The following ATP5F1B variants were observed in gnomAD, a reference collection of about 807,000 sequenced individuals.
ATP5F1B encodes ATP synthase F(1) complex subunit beta, mitochondrial.
In ATP5F1B, 17 loss-of-function variants were observed where a neutral mutation model predicts 45.9. The ratio of observed to expected loss-of-function variants is 0.37; its 90% CI spans 0.25 to 0.56. The LOEUF (loss-of-function observed/expected upper bound fraction) is 0.56, where lower values mean the gene tolerates loss of function less well. Among genes scored for constraint, ATP5F1B ranks in the 20% least tolerant of loss-of-function variants. The pLI is 0.80. For missense variants in ATP5F1B, 387 were observed against 673.2 expected (o/e 0.57, Z 4.70); for synonymous variants, 218 against 256.5 (o/e 0.85, Z 1.43).
Position 56,643,828 on chromosome 12 carries a change from A to AT in ATP5F1B, c.607+8dup, listed in dbSNP as rs1201443600. Reference sequence around the variant, plus strand: ...AGGTTTGGAAAATATGTACCCCTTAATAACATACCAATTTTGCCACCCTTG... The same window carrying AT: ...AGGTTTGGAAAATATGTACCCCTTAATTAACATACCAATTTTGCCACCCTTG... On this transcript the variant is annotated intron_variant, in intron 4 of 9. Transcript: ENST00000262030. 2.2e-5 allele frequency: 35 copies of AT among 1,614,010 alleles called. No homozygotes were observed. Among genetic ancestry groups the AT allele is most frequent in the Non-Finnish European group, 2.5e-5 (30 of 1,180,014 alleles).
chr12:56,642,984 T>C, intron 5 of ATP5F1B, 153 bp from the exon 6 acceptor site: 1 of 767,368 alleles, frequency 1.3e-6, no homozygotes, highest in South Asian at 2.1e-5. Context: ...GAGATGCAGT[T>C]CAAAAAAAAA....
Position 56,638,288 on chromosome 12 carries a change from G to A in ATP5F1B, c.*35C>T. The A allele has an allele frequency of 6.4e-7, 1 of 1,566,956 alleles. No individual in the cohort carries two copies. The highest frequency in any genetic ancestry group is 8.8e-7 in the Non-Finnish European group (1 of 1,141,726). Reference sequence around the variant, plus strand: ...AAAAATGAAGCTTTTTGGGTTAGGGGCAAGGAGAGAGACAGTACAGAGGAC... The same window carrying A: ...AAAAATGAAGCTTTTTGGGTTAGGGACAAGGAGAGAGACAGTACAGAGGAC... On this transcript the variant is annotated 3_prime_UTR_variant, in exon 10 of 10. Coordinates refer to ENST00000262030, the MANE Select transcript of ATP5F1B (RefSeq NM_001686.4).
rs539655500 is a variant in ATP5F1B, at chr12:56,644,559, C to T, written c.485+222G>A. Among the ~76,000 whole-genome samples, 43 of 151,804 alleles carry T rather than the reference C, an allele frequency of 2.8e-4. No individual in the cohort carries two copies. The South Asian group carries it at 7.5e-3, about 26-fold the overall frequency. ...CCAGGAGGTGGAGGTTGCAGTGAGT[C>T]GAGAGCGAAACTCCCTCTCAAAAAA... is the stretch of plus-strand genomic sequence containing the variant. On this transcript the variant is annotated intron_variant, in intron 3 of 9. Coordinates refer to ENST00000262030, the MANE Select transcript of ATP5F1B (RefSeq NM_001686.4).
intron 8 of ATP5F1B, among the ~76,000 whole-genome samples, chr12:56,639,684 T>A (rs1253268046): frequency 6.6e-6 from 1 of 150,428 alleles, no homozygotes. Flanking sequence ...GGCAGGAGAA[T>A]CGCTTGAACC....
intron 7 of ATP5F1B, among the ~76,000 whole-genome samples, chr12:56,641,166 A>C (rs1951509280): frequency 6.6e-6 from 1 of 152,096 alleles, no homozygotes; most frequent in African/African-American, 2.4e-5. Context: ...GGAGTTCAAG[A>C]CCAGCCTGAC....
rs1343871938 is a variant in ATP5F1B at position 56,638,322 on chromosome 12, CTCACGATGAATGCTCT to C, written c.1575_1590del (p.Glu526GlyfsTer39). On this transcript the variant is annotated frameshift_variant and stop_lost, in exon 10 of 10. Transcript: ENST00000262030. LOFTEE classifies it high-confidence loss of function. ...GAGACAGTACAGAGGACAAAGACCC[CTCACGATGAATGCTCT>C]TCAGCCAGCTTATCAGCTTTTGCCA... 6.2e-7 allele frequency: 1 copy of C among 1,613,322 alleles called. No homozygotes were observed. The highest frequency in any genetic ancestry group is 8.5e-7 in the Non-Finnish European group (1 of 1,179,414).
At chr12:56,638,501 C>T (rs1592643285) in intron 9 of ATP5F1B, 78 bp from the exon 10 acceptor site, 2 of 1,033,538 alleles carry the variant, frequency 1.9e-6, no homozygotes. Flanking sequence ...ACATTCCTCA[C>T]CACTTCAGGC....
rs754432588 is a variant in ATP5F1B at position 56,638,439 on chromosome 12, GAAAA to G, written c.1490-20_1490-17del. On this transcript the variant is annotated splice_polypyrimidine_tract_variant and intron_variant, in intron 9 of 9. Transcript: ENST00000262030. ...TCATATTCACCTGTATGATGGGGGA[GAAAA>G]AAAAAAAGAGTAAGAAGCGGAGGGA... 20 of 1,203,926 alleles carry G rather than the reference GAAAA, an allele frequency of 1.7e-5. No homozygotes were observed. The African/African-American group carries it at 2.9e-4, about 17-fold the overall frequency. 74.6% of individuals were successfully genotyped at this position (1,203,926 alleles called of 1,614,324 possible). A position where few individuals can be genotyped will look rare whatever the true frequency, so the allele number is the denominator to read the frequency against.
chr12:56,642,985 CAA>C (rs568255847), intron 5 of ATP5F1B, 154 bp from the exon 6 acceptor site: 19 of 610,736 alleles, frequency 3.1e-5, no homozygotes, highest in South Asian at 1.5e-4. Flanking sequence ...AGATGCAGTT[CAA>C]AAAAAAAAGA....
intron 5 of ATP5F1B, 66 bp downstream of exon 5, chr12:56,643,337 T>C: frequency 7.3e-7 from 1 of 1,360,918 alleles, no homozygotes; most frequent in East Asian, 2.3e-5. Flanking sequence ...ATATAGAACA[T>C]GGCTTCAGTT....
intron 7 of ATP5F1B, 114 bp from the exon 8 acceptor site, chr12:56,640,306 G>A (rs966680296): frequency 4.8e-6 from 4 of 827,056 alleles, no homozygotes; most frequent in Non-Finnish European, 7.4e-6. Context: ...TCGGCTCACT[G>A]CAACCTCTGC....
chr12:56,644,796 G>A lies in ATP5F1B; in HGVS notation c.470C>T (p.Pro157Leu), dbSNP rs771848985. ...VIGEPIDERG[P>L]IKTKQFAPIH... ...AGCAACTTACTGTTTGGTTTTGATGGGACCTCTTTCATCAATAGGTTCTCC... is the reference window on the plus strand; with the variant it reads ...AGCAACTTACTGTTTGGTTTTGATGAGACCTCTTTCATCAATAGGTTCTCC... Residue 157 changes from proline (P) to leucine (L), a missense_variant, in exon 3 of 10, where the codon CCC becomes CTC. By Grantham distance (98) the Pro-to-Leu change is moderately conservative. Transcript: ENST00000262030. The A allele has an allele frequency of 6.2e-7, 1 of 1,613,108 alleles. No individual in the cohort carries two copies. Among genetic ancestry groups the A allele is most frequent in the Non-Finnish European group, 8.5e-7 (1 of 1,179,386 alleles).
intron 8 of ATP5F1B, chr12:56,639,550 G>C (rs1005977373): frequency 2.0e-6 from 1 of 505,522 alleles, no homozygotes; most frequent in South Asian, 2.1e-5. Flanking sequence ...ACGGTGGGTG[G>C]ATCATGAGGT....
At chr12:56,645,798 G>A in intron 1 of ATP5F1B, 39 bp downstream of exon 1, 2 of 1,597,548 alleles carry the variant, frequency 1.3e-6, no homozygotes, top group Non-Finnish European at 1.7e-6. Context: ...GTCATGGGGC[G>A]GCAAAATGGA....
In ATP5F1B at chr12:56,644,958, G is replaced by A. The variant is rs753852454; in HGVS notation, c.311-3C>T. On this transcript the variant is annotated splice_region_variant and splice_polypyrimidine_tract_variant and intron_variant, in intron 2 of 9. Coordinates refer to ENST00000262030, the MANE Select transcript of ATP5F1B (RefSeq NM_001686.4). The stretch of plus-strand genomic sequence containing the variant: ...AATAGTCCTTACTGTGCTCTCACCT[G>A]TTAGATACAGGCATCGCAGGGTTAT... 25 of 1,613,988 alleles carry A rather than the reference G, an allele frequency of 1.5e-5. No individual in the cohort carries two copies. Among genetic ancestry groups the A allele is most frequent in the Non-Finnish European group, 2.0e-5 (24 of 1,179,952 alleles).
At chr12:56,644,511 T>C (rs1224095170) in intron 3 of ATP5F1B, among the ~76,000 whole-genome samples, 2 of 151,900 alleles carry the variant, frequency 1.3e-5, no homozygotes, top group African/African-American at 4.8e-5. Flanking sequence ...CTCAGGAGGC[T>C]GAGACAGGAG....
Position 56,642,985 on chromosome 12 carries a change from C to CA in ATP5F1B, c.793-155dup, listed in dbSNP as rs568255847. 6.6e-3 allele frequency: 3,950 copies of CA among 598,708 alleles called. 1 individual carries two copies. The highest frequency in any genetic ancestry group is 0.014 in the African/African-American group (694 of 49,964). The allele number at this position is 598,708 out of a possible 1,614,324, so 37.1% of individuals were successfully genotyped here. On this transcript the variant is annotated intron_variant, in intron 5 of 9. Transcript: ENST00000262030. The stretch of plus-strand genomic sequence containing the variant: ...TCTTTTCCCTATTAGAGATGCAGTT[C>CA]AAAAAAAAAAGACAGCTTCTTATAT...
chr12:56,642,352 CTT>C, intron 7 of ATP5F1B, 104 bp downstream of exon 7: 1 of 1,503,204 alleles, frequency 6.7e-7, no homozygotes, highest in Admixed American at 1.9e-5. Context: ...AGGCTGATCT[CTT>C]GGGCTCAAGC....
At chr12:56,639,022 T>C in intron 9 of ATP5F1B, 84 bp downstream of exon 9, 1 of 1,251,496 alleles carries the variant, frequency 8.0e-7, no homozygotes, top group Non-Finnish European at 1.1e-6. Flanking sequence ...TAATTAAGCA[T>C]AGTATATTAC....
Sources: gnomAD v4.1 joint callset for allele counts (sites outside exome capture counted in the v4.1 genomes callset) on GRCh38, gnomAD v4.1.1 for gene constraint, MANE v1.5 for transcripts, NCBI Gene and HGNC (gene_info 2026-07-23, HGNC 2026-07-21) for gene names.